Variants in DCP1A observed in about 807,000 individuals in gnomAD.
DCP1A encodes decapping mRNA 1A.
A neutral mutation model predicts 58.0 loss-of-function variants in DCP1A; 20 were observed. That is an observed-to-expected ratio of 0.34 (90% CI 0.24 to 0.50). DCP1A has a LOEUF of 0.50. Among genes scored for constraint, DCP1A ranks in the 20% least tolerant of loss-of-function variants. The probability of loss-of-function intolerance (pLI) is 0.98; values close to 1 mark genes in which losing one functional copy is unlikely to be tolerated. For missense variants in DCP1A, 613 were observed against 712.2 expected (o/e 0.86, Z 1.59); for synonymous variants, 285 against 275.1 (o/e 1.04, Z -0.36).
At chr3:53,309,502 A>G (rs1386130751) in intron 5 of DCP1A, among the ~76,000 whole-genome samples, 24 of 152,038 alleles carry the variant, frequency 1.6e-4, no homozygotes, top group African/African-American at 5.1e-4. Flanking sequence ...TCTCACACCT[A>G]TAATTCCAGC....
chr3:53,302,361 A>G (rs1553687500), intron 6 of DCP1A, among the ~76,000 whole-genome samples: 1 of 152,254 alleles, frequency 6.6e-6, no homozygotes, highest in East Asian at 1.9e-4. Flanking sequence ...ATCAGTTATA[A>G]AGAGAACTAA....
intron 6 of DCP1A, among the ~76,000 whole-genome samples, chr3:53,295,947 C>A (rs1016241557): frequency 6.7e-6 from 1 of 149,356 alleles, no homozygotes; most frequent in African/African-American, 2.5e-5. Context: ...GGCTCAAGTG[C>A]GGTGGCGTGA....
chr3:53,287,957 C>A (rs1706705273), intron 9 of DCP1A, 108 bp downstream of exon 9: 1 of 1,158,820 alleles, frequency 8.6e-7, no homozygotes, highest in African/African-American at 1.6e-5. Context: ...GCCTGGCCTC[C>A]AGCTAGTCTT....
In DCP1A at chr3:53,292,318, T is replaced by G; in HGVS notation, c.1134A>C (p.Pro378=). The change falls in exon 7 of 10, where the codon CCA becomes CCC. Residue 378 remains proline, a synonymous_variant. Coordinates refer to ENST00000610213, the MANE Select transcript of DCP1A (RefSeq NM_018403.7). ...LIANQSPFRA[P]LNVTNTAGTS... ...TGCCAGCTGTGTTCGTCACGTTCAA[T>G]GGGGCCCTGAAGGGGCTCTGGTTGG... 6.2e-7 allele frequency: 1 copy of G among 1,613,500 alleles called. No individual in the cohort carries two copies. The highest frequency in any genetic ancestry group is 2.2e-5 in the East Asian group (1 of 44,860).
At chr3:53,295,529 G>A (rs1189348093) in intron 6 of DCP1A, among the ~76,000 whole-genome samples, 1 of 152,076 alleles carries the variant, frequency 6.6e-6, no homozygotes, top group Non-Finnish European at 1.5e-5. Flanking sequence ...CTGTTAACTG[G>A]GAAAATTACA....
Position 53,312,321 on chromosome 3 carries a change from T to C in DCP1A, c.430A>G (p.Ser144Gly). Residue 144 changes from serine (S) to glycine (G), a missense_variant, in exon 5 of 10, where the codon AGC becomes GGC. Around this residue, in one of 3 missense-constraint regions of DCP1A, gnomAD observed 498 missense variants for 556.7 expected, o/e 0.89. Transcript: ENST00000610213. Reference sequence around the variant, plus strand: ...TGGTCGCTGCAGCCATTGGCCTGGCTGGGACTCTGTTTGTCCCGAGCAGCT... The same window carrying C: ...TGGTCGCTGCAGCCATTGGCCTGGCCGGGACTCTGTTTGTCCCGAGCAGCT... ...QQAARDKQSP[S>G]QANGCSDHRP... 2 of 1,613,568 alleles carry C rather than the reference T, an allele frequency of 1.2e-6. No homozygotes were observed. Among genetic ancestry groups the C allele is most frequent in the Middle Eastern group, 1.6e-4 (1 of 6,062 alleles).
At chr3:53,335,493 T>C (rs116694609) in intron 3 of DCP1A, among the ~76,000 whole-genome samples, 154 of 152,322 alleles carry the variant, frequency 1.0e-3, no homozygotes, top group African/African-American at 3.5e-3. Context: ...AAATCTGAGA[T>C]TTATGTCTTT....
chr3:53,292,369 A>G lies in DCP1A; in HGVS notation c.1083T>C (p.Pro361=). ...QRSPLLNQPV[P]ELSHASLIAN... ...CAATCAGACTGGCATGGCTTAGCTCAGGGACTGGCTGGTTCAGGAGTGGAG... is the reference window on the plus strand; with the variant it reads ...CAATCAGACTGGCATGGCTTAGCTCGGGGACTGGCTGGTTCAGGAGTGGAG... The change falls in exon 7 of 10, where the codon CCT becomes CCC. Residue 361 remains proline, a synonymous_variant. Transcript: ENST00000610213. 1 of 1,613,238 alleles carries G rather than the reference A, an allele frequency of 6.2e-7. No individual in the cohort carries two copies. Among genetic ancestry groups the G allele is most frequent in the Non-Finnish European group, 8.5e-7 (1 of 1,179,354 alleles).
At position 53,283,735 on chromosome 3, in the gene DCP1A, A is replaced by T. The variant is rs1199849818; in HGVS notation, c.*3845T>A. ...TACAGAATAAAAAACCATTTAGAAC[A>T]CATATTTTAAAAACATGTTTCTTAA... On this transcript the variant is annotated 3_prime_UTR_variant, in exon 10 of 10. Coordinates refer to ENST00000610213, the MANE Select transcript of DCP1A (RefSeq NM_018403.7). The T allele has an allele frequency of 6.6e-6, 1 of 152,262 alleles. No homozygotes were observed. The highest frequency in any genetic ancestry group is 1.9e-4 in the East Asian group (1 of 5,206). 9.4% of individuals were successfully genotyped at this position (152,262 alleles called of 1,614,324 possible). A position where few individuals can be genotyped will look rare whatever the true frequency, so the allele number is the denominator to read the frequency against.
At chr3:53,344,998 G>C in intron 1 of DCP1A, 56 bp from the exon 2 acceptor site, 5 of 1,319,880 alleles carry the variant, frequency 3.8e-6, no homozygotes, top group Non-Finnish European at 5.4e-6. Flanking sequence ...ACCCCAAATA[G>C]TCCCCATGGA....
intron 6 of DCP1A, among the ~76,000 whole-genome samples, chr3:53,300,441 G>A (rs900849132): frequency 2.0e-5 from 3 of 150,964 alleles, no homozygotes; most frequent in South Asian, 2.1e-4. Context: ...GGGTTCAAGC[G>A]ATTCTCCTGC....
intron 3 of DCP1A, chr3:53,338,193 T>C (rs1553692160): frequency 4.6e-6 from 2 of 434,096 alleles, no homozygotes; most frequent in East Asian, 1.4e-4. Context: ...CCACTGCTAC[T>C]CAATAACTCC....
intron 4 of DCP1A, among the ~76,000 whole-genome samples, chr3:53,313,864 C>G (rs1177090910): frequency 6.6e-6 from 1 of 151,744 alleles, no homozygotes; most frequent in African/African-American, 2.4e-5. Context: ...CAATATTAAA[C>G]CGACTTAAAA....
chr3:53,329,271 A>G, intron 3 of DCP1A: 1 of 398,062 alleles, frequency 2.5e-6, no homozygotes, highest in Non-Finnish European at 4.4e-6. Flanking sequence ...TTCTTCTACT[A>G]AAACTTTCCA....
chr3:53,328,815 C>A (rs1559701159), intron 3 of DCP1A: 1 of 152,252 alleles, frequency 6.6e-6, no homozygotes, highest in Non-Finnish European at 1.5e-5. Context: ...GTGATTTTAC[C>A]TCTTCAATCT....
chr3:53,323,915 G>A (rs1462690203), intron 3 of DCP1A, among the ~76,000 whole-genome samples: 1 of 150,692 alleles, frequency 6.6e-6, no homozygotes, highest in African/African-American at 2.4e-5. Flanking sequence ...GGCTTAGAGA[G>A]GAACACACAA....
chr3:53,341,727 C>T lies in DCP1A; in HGVS notation c.304+417G>A, dbSNP rs1215523763. ...AGTTTATTTATTTATTTTTTTGAGACACAGTCTCATTCTGTTGCCCAGGCT... is the reference window on the plus strand; with the variant it reads ...AGTTTATTTATTTATTTTTTTGAGATACAGTCTCATTCTGTTGCCCAGGCT... On this transcript the variant is annotated intron_variant, in intron 3 of 9. Coordinates refer to ENST00000610213, the MANE Select transcript of DCP1A (RefSeq NM_018403.7). Among the ~76,000 whole-genome samples the T allele has an allele frequency of 2.6e-5, 4 of 152,052 alleles. No homozygotes were observed. The South Asian group carries it at 6.2e-4, about 24-fold the overall frequency.
chr3:53,343,860 C>T (rs2089254449), intron 2 of DCP1A, among the ~76,000 whole-genome samples: 1 of 152,144 alleles, frequency 6.6e-6, no homozygotes, highest in East Asian at 1.9e-4. Flanking sequence ...ATCCGCCCAC[C>T]TCGGCCTCCC....
At chr3:53,336,736 G>C (rs1266544719) in intron 3 of DCP1A, among the ~76,000 whole-genome samples, 5 of 152,084 alleles carry the variant, frequency 3.3e-5, no homozygotes, top group African/African-American at 9.7e-5. Context: ...TTCTTGACCT[G>C]GGTAAGAAAT....
Sources: gnomAD v4.1 joint callset for allele counts (sites outside exome capture counted in the v4.1 genomes callset) on GRCh38, gnomAD v4.1.1 for gene constraint, gnomAD v4.1.1 regional missense constraint, MANE v1.5 for transcripts, NCBI Gene and HGNC (gene_info 2026-07-23, HGNC 2026-07-21) for gene names.